Variants in GRWD1 observed in about 807,000 individuals in gnomAD.
GRWD1 encodes the protein glutamate rich WD repeat containing 1.
In GRWD1, 29 loss-of-function variants were observed where a neutral mutation model predicts 45.3. The ratio of observed to expected loss-of-function variants is 0.64; its 90% CI spans 0.48 to 0.87. The LOEUF is 0.87. Ranked by LOEUF, GRWD1 falls within the 40% of genes least tolerant of loss-of-function variation. GRWD1 has a pLI of 0.00. For missense variants in GRWD1, 592 were observed against 618.8 expected, an observed-to-expected ratio of 0.96 and a Z score of 0.46; for synonymous variants, 262 against 257.6, an observed-to-expected ratio of 1.02 and a Z score of -0.16.
rs750221357 is a variant in GRWD1 at position 48,451,217 on chromosome 19, C to T, written c.1009C>T (p.Leu337Phe). The change falls in exon 6 of 7, where the codon CTT (leucine) becomes TTT (phenylalanine). Residue 337 changes from leucine (L) to phenylalanine (F), a missense_variant. Leu to Phe is a conservative substitution (Grantham distance 22). Transcript: ENST00000253237. ...TGATGGGGCCCTCAAGATCTGGGAC[C>T]TTCGGCAGTTCAAGGTATTTTCCCA... is the stretch of plus-strand genomic sequence containing the variant. ...GDDGALKIWD[L>F]RQFKSGSPVA... 2 of 1,595,740 alleles carry T rather than the reference C, an allele frequency of 1.3e-6. No individual in the cohort carries two copies. The highest frequency in any genetic ancestry group is 2.7e-5 in the African/African-American group (2 of 74,414).
chr19:48,448,102 C>A (rs187591993), intron 3 of GRWD1, among the ~76,000 whole-genome samples: 43 of 152,240 alleles, frequency 2.8e-4, no homozygotes, highest in African/African-American at 1.0e-3. Flanking sequence ...CAAGTGCACA[C>A]CACCATGCCC....
rs1569079085 is a variant in GRWD1, at chr19:48,450,679, CGGTGACT to C, written c.698_704del (p.Gly233ValfsTer122). Reference sequence around the variant, plus strand: ...TCCCTTCCCCAGGTCGCCTGCTGACCGGTGACTGTCAAAAGAACATCCACCTCTGGAC... The same window carrying C: ...TCCCTTCCCCAGGTCGCCTGCTGACCGTCAAAAGAACATCCACCTCTGGAC... On this transcript the variant is annotated frameshift_variant, in exon 5 of 7. Coordinates refer to ENST00000253237, the MANE Select transcript of GRWD1 (RefSeq NM_031485.4). LOFTEE classifies it high-confidence loss of function. The surrounding 1 kb of genome is among the most constrained non-coding windows in gnomAD (Gnocchi z 5.1). The C allele has an allele frequency of 6.2e-7, 1 of 1,613,830 alleles. No individual in the cohort carries two copies. The highest frequency in any genetic ancestry group is 8.5e-7 in the Non-Finnish European group (1 of 1,179,972).
chr19:48,451,326 A>G, intron 6 of GRWD1, 95 bp downstream of exon 6: 1 of 1,118,024 alleles, frequency 8.9e-7, no homozygotes, highest in Non-Finnish European at 1.3e-6. Flanking sequence ...AGTTTTACAC[A>G]ACCAGAGCTG....
Position 48,451,146 on chromosome 19 carries a change from T to A in GRWD1, c.938T>A (p.Val313Asp), listed in dbSNP as rs1971471861. 1.2e-6 allele frequency: 2 copies of A among 1,613,980 alleles called. No individual in the cohort carries two copies. Among genetic ancestry groups the A allele is most frequent in the Non-Finnish European group, 1.7e-6 (2 of 1,179,894 alleles). Residue 313 changes from valine to aspartate, a missense_variant, in exon 6 of 7, where the codon GTC becomes GAC. Physicochemically the swap from Val to Asp is radical, Grantham distance 152. Coordinates refer to ENST00000253237, the MANE Select transcript of GRWD1 (RefSeq NM_031485.4). ...ACCGCCCATGATGGGGACGTCAATG[T>A]CATCAGCTGGAGCCGCCGGGAGCCC... ...TATAHDGDVNVISWSRREPFL... is the reference protein window; with the variant it reads ...TATAHDGDVNDISWSRREPFL...
intron 3 of GRWD1, among the ~76,000 whole-genome samples, chr19:48,448,992 C>T (rs114163818): frequency 2.0e-5 from 3 of 152,070 alleles, no homozygotes; most frequent in Non-Finnish European, 2.9e-5. Flanking sequence ...AGGTAAGGGT[C>T]GGAGGAAAGA....
chr19:48,453,039 C>A lies in GRWD1; in HGVS notation c.*14C>A. 1 of 1,556,428 alleles carries A rather than the reference C, an allele frequency of 6.4e-7. No individual in the cohort carries two copies. Among genetic ancestry groups the A allele is most frequent in the Non-Finnish European group, 8.7e-7 (1 of 1,147,028 alleles). Reference sequence around the variant, plus strand: ...ATCAGCGTCTGAGGCGTCCCACTGGCTCTGATCTTGCTTCCTGCTTGGAAA... The same window carrying A: ...ATCAGCGTCTGAGGCGTCCCACTGGATCTGATCTTGCTTCCTGCTTGGAAA... On this transcript the variant is annotated 3_prime_UTR_variant, in exon 7 of 7. Transcript: ENST00000253237.
In GRWD1 at chr19:48,446,959, C is replaced by G. The variant is rs1971414079; in HGVS notation, c.468+116C>G. ...CTTTTTTTTTTTTTTTTTTTTGAGACGTAGTCTCGCTCTGTCACCCAGGCT... is the reference window on the plus strand; with the variant it reads ...CTTTTTTTTTTTTTTTTTTTTGAGAGGTAGTCTCGCTCTGTCACCCAGGCT... On this transcript the variant is annotated intron_variant, in intron 3 of 6. Coordinates refer to ENST00000253237, the MANE Select transcript of GRWD1 (RefSeq NM_031485.4). 1.8e-5 allele frequency: 16 copies of G among 912,358 alleles called. No individual in the cohort carries two copies. In the East Asian group the frequency reaches 4.2e-4, roughly 24 times the overall value. 56.5% of individuals were successfully genotyped at this position (912,358 alleles called of 1,614,324 possible). A position where few individuals can be genotyped will look rare whatever the true frequency, so the allele number is the denominator to read the frequency against.
chr19:48,450,766 A>G lies in GRWD1; in HGVS notation c.783A>G (p.Thr261=). The G allele has an allele frequency of 6.2e-7, 1 of 1,614,022 alleles. No homozygotes were observed. The highest frequency in any genetic ancestry group is 8.5e-7 in the Non-Finnish European group (1 of 1,180,006). ...ACCAGCGGCCATTCGTGGGCCACAC[A>G]CGCTCTGTGGAGGACCTGCAGTGGT... ...HVDQRPFVGH[T]RSVEDLQWSP... Residue 261 remains threonine, a synonymous_variant, in exon 5 of 7, where the codon ACA becomes ACG. Transcript: ENST00000253237. This position sits in a 1 kb window ranked among gnomAD's most constrained non-coding sequence, Gnocchi z 5.1.
Position 48,450,276 on chromosome 19 carries a change from C to G in GRWD1, c.469-37C>G. ...CAGTGCCTTGATCCTCCTCTCCCCT[C>G]GCTTCACATCACCCTTCCCCCACCG... On this transcript the variant is annotated intron_variant, in intron 3 of 6. Coordinates refer to ENST00000253237, the MANE Select transcript of GRWD1 (RefSeq NM_031485.4). The surrounding 1 kb of genome is among the most constrained non-coding windows in gnomAD (Gnocchi z 5.1). 1 of 1,536,330 alleles carries G rather than the reference C, an allele frequency of 6.5e-7. No individual in the cohort carries two copies. Among genetic ancestry groups the G allele is most frequent in the Non-Finnish European group, 8.9e-7 (1 of 1,125,026 alleles).
chr19:48,447,624 G>A (rs1002408610), intron 3 of GRWD1, among the ~76,000 whole-genome samples: 2 of 151,512 alleles, frequency 1.3e-5, no homozygotes, highest in Non-Finnish European at 2.9e-5. Context: ...TGATTGATCC[G>A]CACGCCTCGG....
Position 48,450,178 on chromosome 19 carries a change from G to C in GRWD1, c.469-135G>C, listed in dbSNP as rs1444925893. 2 of 686,466 alleles carry C rather than the reference G, an allele frequency of 2.9e-6. No individual in the cohort carries two copies. The highest frequency in any genetic ancestry group is 5.1e-6 in the Non-Finnish European group (2 of 395,232). 42.5% of individuals were successfully genotyped at this position (686,466 alleles called of 1,614,324 possible). On this transcript the variant is annotated intron_variant, in intron 3 of 6. Coordinates refer to ENST00000253237, the MANE Select transcript of GRWD1 (RefSeq NM_031485.4). The surrounding 1 kb of genome is among the most constrained non-coding windows in gnomAD (Gnocchi z 5.1). Reference sequence around the variant, plus strand: ...ATTTTCTTCCCACAGAGGTTTCAAGGAGCTGTAGTCCCAGGCCTGGGAGAT... The same window carrying C: ...ATTTTCTTCCCACAGAGGTTTCAAGCAGCTGTAGTCCCAGGCCTGGGAGAT...
chr19:48,450,967 C>T lies in GRWD1; in HGVS notation c.826-67C>T. ...GAACAGTGAAAGAGAGAGTAGCCCA[C>T]CGCTGGCGCTTGGGCTTCACTGCGG... On this transcript the variant is annotated intron_variant, in intron 5 of 6. Transcript: ENST00000253237. This position sits in a 1 kb window ranked among gnomAD's most constrained non-coding sequence, Gnocchi z 5.1. 4 of 1,538,978 alleles carry T rather than the reference C, an allele frequency of 2.6e-6. No individual in the cohort carries two copies. Among genetic ancestry groups the T allele is most frequent in the Middle Eastern group, 1.9e-4 (1 of 5,226 alleles).
At position 48,452,745 on chromosome 19, in the gene GRWD1, C is replaced by A. The variant is rs762623800; in HGVS notation, c.1061C>A (p.Ala354Asp). 4 of 1,592,642 alleles carry A rather than the reference C, an allele frequency of 2.5e-6. No homozygotes were observed. The South Asian group carries it at 4.5e-5, about 18-fold the overall frequency. ...SPVATFKQHVAPVTSVEWHPQ... is the reference protein window; with the variant it reads ...SPVATFKQHVDPVTSVEWHPQ... Reference sequence around the variant, plus strand: ...GTGGCCACCTTCAAGCAGCACGTGGCCCCCGTGACCTCCGTCGAGTGGCAC... The same window carrying A: ...GTGGCCACCTTCAAGCAGCACGTGGACCCCGTGACCTCCGTCGAGTGGCAC... The change falls in exon 7 of 7, where the codon GCC becomes GAC. Residue 354 changes from alanine (A) to aspartate (D), a missense_variant. By Grantham distance (126) the Ala-to-Asp change is moderately radical (BLOSUM62 -2). Transcript: ENST00000253237. The surrounding 1 kb of genome is among the most constrained non-coding windows in gnomAD (Gnocchi z 5.1).
chr19:48,446,248 C>A lies in GRWD1; in HGVS notation c.187+56C>A, dbSNP rs972332571. On this transcript the variant is annotated intron_variant, in intron 1 of 6. Coordinates refer to ENST00000253237, the MANE Select transcript of GRWD1 (RefSeq NM_031485.4). ...AGGTGGCTGATCCCGAGCCTTTAACCTGAGAGGTGCTCGGGAAGAGAAGGC... is the reference window on the plus strand; with the variant it reads ...AGGTGGCTGATCCCGAGCCTTTAACATGAGAGGTGCTCGGGAAGAGAAGGC... 9 of 1,571,722 alleles carry A rather than the reference C, an allele frequency of 5.7e-6. No individual in the cohort carries two copies. In the East Asian group the frequency reaches 6.8e-5, roughly 12 times the overall value.
Position 48,455,122 on chromosome 19 carries a change from CTGTCCCTTTCTCTCTGGATCAA to C in GRWD1, c.*2108_*2129del, listed in dbSNP as rs1971524076. The stretch of plus-strand genomic sequence containing the variant: ...GGGTCTCTGTCCTCTCTCAAGGTCT[CTGTCCCTTTCTCTCTGGATCAA>C]TGTCCCTTTCCTGCTGCCCTCTCTG... On this transcript the variant is annotated 3_prime_UTR_variant, in exon 7 of 7. Coordinates refer to ENST00000253237, the MANE Select transcript of GRWD1 (RefSeq NM_031485.4). 6.6e-6 allele frequency: 1 copy of C among 151,828 alleles called. No homozygotes were observed. The highest frequency in any genetic ancestry group is 2.4e-5 in the African/African-American group (1 of 41,058). 9.4% of individuals were successfully genotyped at this position (151,828 alleles called of 1,614,324 possible).
In GRWD1 at chr19:48,453,140, CG is replaced by C; in HGVS notation, c.*116del. 5 of 876,340 alleles carry C rather than the reference CG, an allele frequency of 5.7e-6. No individual in the cohort carries two copies. In the East Asian group the frequency reaches 1.3e-4, roughly 23 times the overall value. 54.3% of individuals were successfully genotyped at this position (876,340 alleles called of 1,614,324 possible). A position where few individuals can be genotyped will look rare whatever the true frequency, so the allele number is the denominator to read the frequency against. On this transcript the variant is annotated 3_prime_UTR_variant, in exon 7 of 7. Transcript: ENST00000253237. ...TGAGACTGGCCGGCCTGTGGGCTGC[CG>C]TGATGGATTCTGTTTGACGTATTGT...
chr19:48,449,097 T>C (rs75501315), intron 3 of GRWD1, among the ~76,000 whole-genome samples: 1 of 148,592 alleles, frequency 6.7e-6, no homozygotes, highest in African/African-American at 2.5e-5. Flanking sequence ...GGAAGTGAGC[T>C]TTTTTTTTTA....
In GRWD1 at chr19:48,450,707, T is replaced by C; in HGVS notation, c.724T>C (p.Trp242Arg). 2 of 1,614,058 alleles carry C rather than the reference T, an allele frequency of 1.2e-6. No individual in the cohort carries two copies. Among genetic ancestry groups the C allele is most frequent in the Non-Finnish European group, 1.7e-6 (2 of 1,180,032 alleles). ...TGDCQKNIHL[W>R]TPTDGGSWHV... The stretch of plus-strand genomic sequence containing the variant: ...TGACTGTCAAAAGAACATCCACCTC[T>C]GGACACCTACGGACGGCGGCTCCTG... The change falls in exon 5 of 7, where the codon TGG becomes CGG. Residue 242 changes from tryptophan to arginine, a missense_variant. Physicochemically the swap from Trp to Arg is moderately radical, Grantham distance 101. Coordinates refer to ENST00000253237, the MANE Select transcript of GRWD1 (RefSeq NM_031485.4). The surrounding 1 kb of genome is among the most constrained non-coding windows in gnomAD (Gnocchi z 5.1).
Position 48,455,025 on chromosome 19 carries a change from C to G in GRWD1, c.*2000C>G, listed in dbSNP as rs12462114. On this transcript the variant is annotated 3_prime_UTR_variant, in exon 7 of 7. Transcript: ENST00000253237. ...CCCTCCATCTAGGTCTCTGTCCCCC[C>G]CTCTCTCTGGGTCTCTGTCCCCCTC... 0.014 allele frequency: 2,054 copies of G among 147,200 alleles called. 38 individuals are homozygous for G. The Middle Eastern group carries it at 0.14, about 10-fold the overall frequency. The allele number at this position is 147,200 out of a possible 1,614,324, so 9.1% of individuals were successfully genotyped here.
Sources: allele counts gnomAD v4.1 joint callset (sites outside exome capture counted in the v4.1 genomes callset), GRCh38; gene constraint gnomAD v4.1.1; non-coding constraint Gnocchi (gnomAD v3.1); transcripts MANE v1.5; gene names NCBI Gene and HGNC (gene_info 2026-07-23, HGNC 2026-07-21).